ITPK1: variants seen among roughly 807,000 people sequenced by gnomAD.
ITPK1 encodes inositol-tetrakisphosphate 1-kinase.
ITPK1 carries 21 observed loss-of-function variants against 45.3 expected under a neutral mutation model. The observed-to-expected ratio is 0.46, with a 90% CI of 0.33 to 0.67. ITPK1 has a LOEUF of 0.67. ITPK1 is among the 30% of genes least tolerant of loss of function. The probability of loss-of-function intolerance (pLI) is 0.02; values close to 1 mark genes in which losing one functional copy is unlikely to be tolerated. For missense variants in ITPK1, 474 were observed against 573.5 expected (o/e 0.83, Z 1.77); for synonymous variants, 258 against 253.6 (o/e 1.02, Z -0.16).
chr14:93,101,776 G>C (rs1180707907), intron 2 of ITPK1, among the ~76,000 whole-genome samples: 1 of 152,216 alleles, frequency 6.6e-6, no homozygotes, highest in African/African-American at 2.4e-5. Flanking sequence ...CTTGAATCCA[G>C]GAGGTGGAGG....
rs1200450072 is a variant in ITPK1 at position 92,939,618 on chromosome 14, T to C, written c.*1943A>G. On this transcript the variant is annotated 3_prime_UTR_variant, in exon 11 of 11. Coordinates refer to ENST00000267615, the MANE Select transcript of ITPK1 (RefSeq NM_014216.6). ...GCCCCCGCCCCACCACGGAGGCCTATGGACGCCACCACGACACCACATGGC... is the reference window on the plus strand; with the variant it reads ...GCCCCCGCCCCACCACGGAGGCCTACGGACGCCACCACGACACCACATGGC... 1.5e-6 allele frequency: 1 copy of C among 654,252 alleles called. No homozygotes were observed. Among genetic ancestry groups the C allele is most frequent in the East Asian group, 1.4e-4 (1 of 7,092 alleles). The allele number at this position is 654,252 out of a possible 1,614,324, so 40.5% of individuals were successfully genotyped here.
chr14:92,961,652 G>A (rs1310924918), intron 7 of ITPK1, among the ~76,000 whole-genome samples: 1 of 152,202 alleles, frequency 6.6e-6, no homozygotes, highest in Non-Finnish European at 1.5e-5. Flanking sequence ...AGATGACACT[G>A]ATGGCCCAAA....
At chr14:92,978,681 C>T (rs1343123125) in intron 5 of ITPK1, among the ~76,000 whole-genome samples, 1 of 151,996 alleles carries the variant, frequency 6.6e-6, no homozygotes, top group Non-Finnish European at 1.5e-5. Flanking sequence ...TCAGAGGGTG[C>T]AATCCCCAAG....
chr14:93,040,634 G>C (rs1260846201), intron 3 of ITPK1, among the ~76,000 whole-genome samples: 1 of 152,160 alleles, frequency 6.6e-6, no homozygotes, highest in African/African-American at 2.4e-5. Context: ...TCAGGACCTG[G>C]TGAGCTCCCA....
rs758493252 is a variant in ITPK1, at chr14:92,941,719, C to T, written c.1087G>A (p.Gly363Ser). The T allele has an allele frequency of 5.0e-5, 79 of 1,579,702 alleles. No homozygotes were observed. The highest frequency in any genetic ancestry group is 3.2e-4 in the African/African-American group (24 of 74,266). ...RTCSASPGCC[G>S]SMMGQDAPWK... ...GGCGCGTCCTGGCCCATCATGCTGC[C>T]GCAGCAGCCGGGGCTGGCGCTGCAT... Residue 363 changes from glycine (G) to serine (S), a missense_variant, in exon 11 of 11, where the codon GGC (glycine) becomes AGC (serine). By Grantham distance (56) the Gly-to-Ser change is moderately conservative. Coordinates refer to ENST00000267615, the MANE Select transcript of ITPK1 (RefSeq NM_014216.6).
Position 93,076,576 on chromosome 14 carries a change from G to A in ITPK1, c.120+19C>T. The stretch of plus-strand genomic sequence containing the variant: ...GGCCCCACTACCCAAAGAACCACGG[G>A]GACGCGGTCTGTACTCACCTGCACA... On this transcript the variant is annotated intron_variant, in intron 3 of 10. Coordinates refer to ENST00000267615, the MANE Select transcript of ITPK1 (RefSeq NM_014216.6). The surrounding 1 kb of genome is among the most constrained non-coding windows in gnomAD (Gnocchi z 4.3). The A allele has an allele frequency of 1.2e-6, 2 of 1,614,022 alleles. No homozygotes were observed. The highest frequency in any genetic ancestry group is 1.7e-6 in the Non-Finnish European group (2 of 1,179,940).
Position 92,953,065 on chromosome 14 carries a change from G to A in ITPK1, c.671-1052C>T, listed in dbSNP as rs116353662. ...CAATGCACACCCCTGGCACCCAGGC[G>A]CCTATGTGCGAGGACAGGAGGGCAC... On this transcript the variant is annotated intron_variant, in intron 8 of 10. Transcript: ENST00000267615. Among the ~76,000 whole-genome samples, 761 of 152,332 alleles carry A rather than the reference G, an allele frequency of 5.0e-3. 10 individuals carry two copies. The highest frequency in any genetic ancestry group is 0.018 in the African/African-American group (734 of 41,582).
At chr14:93,049,750 C>T (rs1017056114) in intron 3 of ITPK1, among the ~76,000 whole-genome samples, 10 of 52,780 alleles carry the variant, frequency 1.9e-4, no homozygotes, top group Non-Finnish European at 2.8e-4. Flanking sequence ...AACAGAAGGA[C>T]GGGGGTGGGG....
intron 8 of ITPK1, 86 bp from the exon 9 acceptor site, chr14:92,952,099 C>A: frequency 2.1e-5 from 23 of 1,077,628 alleles, no homozygotes; most frequent in Admixed American, 2.0e-5. Flanking sequence ...GGCAGCATCA[C>A]CCCAGGCACA....
At chr14:92,955,154 G>A (rs12437368) in intron 8 of ITPK1, among the ~76,000 whole-genome samples, 5 of 152,174 alleles carry the variant, frequency 3.3e-5, no homozygotes, top group Non-Finnish European at 2.9e-5. Context: ...CTGTAAGCCC[G>A]GCCACCTGCA....
rs940224940 is a variant in ITPK1 at position 93,105,853 on chromosome 14, G to C, written c.95+9216C>G. Among the ~76,000 whole-genome samples, 6 of 152,044 alleles carry C rather than the reference G, an allele frequency of 3.9e-5. No individual in the cohort carries two copies. The East Asian group carries it at 7.7e-4, about 20-fold the overall frequency. On this transcript the variant is annotated intron_variant, in intron 2 of 10. Coordinates refer to ENST00000267615, the MANE Select transcript of ITPK1 (RefSeq NM_014216.6). ...CGAGCAGCTGGGATTACAGGTGCCAGTCACCACACCCAGCTGATTTTTTGT... is the reference window on the plus strand; with the variant it reads ...CGAGCAGCTGGGATTACAGGTGCCACTCACCACACCCAGCTGATTTTTTGT...
At chr14:92,980,626 G>A (rs1437324527) in intron 5 of ITPK1, among the ~76,000 whole-genome samples, 1 of 152,142 alleles carries the variant, frequency 6.6e-6, no homozygotes, top group Non-Finnish European at 1.5e-5. Context: ...CCAGGCTGGG[G>A]ACTTATTACT....
chr14:93,019,946 C>T (rs1888386263), intron 3 of ITPK1, among the ~76,000 whole-genome samples: 2 of 152,236 alleles, frequency 1.3e-5, no homozygotes, highest in Non-Finnish European at 2.9e-5. Flanking sequence ...ACTTCTTGTT[C>T]TCCTCAGAGG....
chr14:92,952,864 C>T (rs537545314), intron 8 of ITPK1, among the ~76,000 whole-genome samples: 1 of 152,250 alleles, frequency 6.6e-6, no homozygotes, highest in Non-Finnish European at 1.5e-5. Context: ...AGCATTGGCA[C>T]GCAAATGCAA....
rs956163411 is a variant in ITPK1, at chr14:92,943,694, G to A, written c.902-1790C>T. 9.9e-5 allele frequency among the ~76,000 whole-genome samples: 15 copies of A among 152,226 alleles called. 1 individual carries two copies. The South Asian group carries it at 1.2e-3, about 13-fold the overall frequency. On this transcript the variant is annotated intron_variant, in intron 10 of 10. Coordinates refer to ENST00000267615, the MANE Select transcript of ITPK1 (RefSeq NM_014216.6). ...GTGGTGCAGAGACGGCTGCCTCCACGGAGGCCTGAGGATAAACAGGAGCTC... is the reference window on the plus strand; with the variant it reads ...GTGGTGCAGAGACGGCTGCCTCCACAGAGGCCTGAGGATAAACAGGAGCTC...
chr14:92,970,148 T>C (rs61446566), intron 5 of ITPK1, among the ~76,000 whole-genome samples: 31,329 of 152,048 alleles, frequency 0.21, 3,527 homozygotes, highest in East Asian at 0.32. Flanking sequence ...GACAAACAGG[T>C]GGACCCGAGA....
intron 5 of ITPK1, among the ~76,000 whole-genome samples, chr14:92,993,525 G>A (rs1209019250): frequency 6.6e-5 from 10 of 152,100 alleles, no homozygotes; most frequent in Admixed American, 5.2e-4. Flanking sequence ...TGTGTCCTCC[G>A]CGCAGTTACG....
rs201197709 is a variant in ITPK1, at chr14:93,095,208, T to TA, written c.96-18590dup. ...CTACATACCACCACCACCACCACAG[T>TA]AATACCATCTACCGCTGATTGGGGC... On this transcript the variant is annotated intron_variant, in intron 2 of 10. Coordinates refer to ENST00000267615, the MANE Select transcript of ITPK1 (RefSeq NM_014216.6). 3.3e-4 allele frequency among the ~76,000 whole-genome samples: 50 copies of TA among 152,318 alleles called. 1 individual carries two copies. In the East Asian group the frequency reaches 9.3e-3, roughly 28 times the overall value.
chr14:93,042,371 G>C (rs1230432182), intron 3 of ITPK1, among the ~76,000 whole-genome samples: 1 of 152,192 alleles, frequency 6.6e-6, no homozygotes, highest in East Asian at 1.9e-4. Flanking sequence ...TAATCCCTGA[G>C]TGGGCCTTGA....
Sources: gnomAD v4.1 joint callset for allele counts (sites outside exome capture counted in the v4.1 genomes callset) on GRCh38, gnomAD v4.1.1 for gene constraint, Gnocchi (gnomAD v3.1) non-coding constraint, MANE v1.5 for transcripts, NCBI Gene and HGNC (gene_info 2026-07-23, HGNC 2026-07-21) for gene names.